PRELID2: variants seen among roughly 807,000 people sequenced by gnomAD.
The protein encoded by PRELID2 is PRELI domain containing 2.
Under a neutral mutation model 28.4 loss-of-function variants are expected in PRELID2, and 25 were observed. The observed-to-expected ratio is 0.88, with a 90% confidence interval of 0.64 to 1.23. PRELID2 has a LOEUF of 1.23. PRELID2 is among the 50% of genes most tolerant of loss of function. PRELID2 has a pLI of 0.00. For synonymous variants in PRELID2, 76 were observed against 71.6 expected (o/e 1.06, Z -0.31); for missense variants, 201 against 214.4 (o/e 0.94, Z 0.39).
chr5:145,413,313 T>C, the PRELID2 span, among the ~76,000 whole-genome samples: 4 of 118,900 alleles, frequency 3.4e-5, no homozygotes, highest in African/African-American at 6.0e-5. Flanking sequence ...AGAATGACCA[T>C]GATTAAAAGA....
intron 1 of PRELID2, among the ~76,000 whole-genome samples, chr5:145,542,336 A>G (rs763707079): frequency 6.6e-6 from 1 of 152,114 alleles, no homozygotes; most frequent in Non-Finnish European, 1.5e-5. Context: ...TTGTATTTCC[A>G]GTTTAAGAGT....
intron 1 of PRELID2, among the ~76,000 whole-genome samples, chr5:145,525,955 A>G (rs373761126): frequency 6.6e-6 from 1 of 152,172 alleles, no homozygotes; most frequent in Admixed American, 6.5e-5. Context: ...TCTTTCATTC[A>G]TGTACTTCTA....
chr5:145,716,834 C>T (rs1755857329), intron 1 of PRELID2, among the ~76,000 whole-genome samples: 1 of 152,132 alleles, frequency 6.6e-6, no homozygotes, highest in Non-Finnish European at 1.5e-5. Flanking sequence ...TTTATCTGCA[C>T]AATAACTTTT....
chr5:145,426,386 T>G, the PRELID2 span, among the ~76,000 whole-genome samples: 1 of 152,186 alleles, frequency 6.6e-6, no homozygotes, highest in Admixed American at 6.5e-5. Flanking sequence ...AAACTGACTT[T>G]CAGCTACATC....
At chr5:145,721,001 TA>T (rs1300377119) in intron 1 of PRELID2, among the ~76,000 whole-genome samples, 1 of 152,130 alleles carries the variant, frequency 6.6e-6, no homozygotes, top group Non-Finnish European at 1.5e-5. Flanking sequence ...GGTTTTAAAA[TA>T]TTTTTTATTT....
chr5:145,499,403 T>C (rs968358774), intron 1 of PRELID2, among the ~76,000 whole-genome samples: 2 of 152,194 alleles, frequency 1.3e-5, no homozygotes, highest in African/African-American at 4.8e-5. Context: ...TTTTCTGAAG[T>C]TCTCAATTTT....
At chr5:145,319,039 T>G in the PRELID2 span, among the ~76,000 whole-genome samples, 5 of 152,258 alleles carry the variant, frequency 3.3e-5, no homozygotes, top group South Asian at 1.0e-3. Context: ...ATTCAGACAT[T>G]CCTTCTCTTC....
chr5:145,681,143 A>G (rs1394057699), intron 1 of PRELID2, among the ~76,000 whole-genome samples: 1 of 152,194 alleles, frequency 6.6e-6, no homozygotes, highest in Non-Finnish European at 1.5e-5. Flanking sequence ...TGATCCTTGA[A>G]AAATGCTATC....
At chr5:145,259,708 C>A in the PRELID2 span, among the ~76,000 whole-genome samples, 1 of 152,126 alleles carries the variant, frequency 6.6e-6, no homozygotes, top group African/African-American at 2.4e-5. Flanking sequence ...GGCTCATAGG[C>A]AGAAGGGACT....
At chr5:145,824,137 C>T (rs2149876103) in intron 1 of PRELID2, among the ~76,000 whole-genome samples, 1 of 152,198 alleles carries the variant, frequency 6.6e-6, no homozygotes, top group South Asian at 2.1e-4. Flanking sequence ...GCAGAAGTGA[C>T]CTCCTAGAAG....
At chr5:145,314,041 T>C in the PRELID2 span, among the ~76,000 whole-genome samples, 1 of 152,196 alleles carries the variant, frequency 6.6e-6, no homozygotes, top group African/African-American at 2.4e-5. Context: ...CTATGAGACA[T>C]CGTACAGTTT....
intron 2 of PRELID2, 53 bp from the exon 3 acceptor site, chr5:145,820,071 C>A: frequency 1.9e-6 from 2 of 1,062,610 alleles, no homozygotes; most frequent in Non-Finnish European, 1.4e-6. Context: ...GTGTTCTTTT[C>A]TTAGTGTCAA....
chr5:145,739,953 T>C (rs889225674), intron 1 of PRELID2, among the ~76,000 whole-genome samples: 7 of 73,202 alleles, frequency 9.6e-5, no homozygotes, highest in African/African-American at 1.7e-4. Context: ...ATAGGACAAA[T>C]AGAAAAATAA....
At chr5:145,484,368 AG>A (rs1250391808) in intron 1 of PRELID2, among the ~76,000 whole-genome samples, 2 of 152,218 alleles carry the variant, frequency 1.3e-5, no homozygotes, top group African/African-American at 2.4e-5. Context: ...CTATTTCATG[AG>A]TCAAAGACTT....
At chr5:145,436,591 GT>G in the PRELID2 span, among the ~76,000 whole-genome samples, 1 of 152,074 alleles carries the variant, frequency 6.6e-6, no homozygotes, top group Middle Eastern at 3.4e-3. Context: ...GCCAGCATTT[GT>G]TTTTTGTTTT....
chr5:145,295,536 T>C, the PRELID2 span, among the ~76,000 whole-genome samples: 1 of 152,116 alleles, frequency 6.6e-6, no homozygotes, highest in Admixed American at 6.6e-5. Flanking sequence ...AGTGTTGATA[T>C]AGTACAGAAC....
chr5:145,797,503 C>A (rs554722897), intron 4 of PRELID2, among the ~76,000 whole-genome samples: 4 of 152,188 alleles, frequency 2.6e-5, no homozygotes, highest in Admixed American at 6.6e-5. Context: ...ACTCAGAGTG[C>A]TAAAGGAAAT....
intron 1 of PRELID2, among the ~76,000 whole-genome samples, chr5:145,479,979 A>G (rs1752141945): frequency 6.6e-6 from 1 of 152,214 alleles, no homozygotes; most frequent in African/African-American, 2.4e-5. Flanking sequence ...AACAACTATC[A>G]CAACATTTAA....
At chr5:145,486,435 C>G (rs1049140466) in intron 1 of PRELID2, among the ~76,000 whole-genome samples, 5 of 152,200 alleles carry the variant, frequency 3.3e-5, no homozygotes, top group African/African-American at 7.2e-5. Flanking sequence ...CTCAGAAACA[C>G]TTTTTCAATG....
Sources: allele counts gnomAD v4.1 joint callset (sites outside exome capture counted in the v4.1 genomes callset), GRCh38; gene constraint gnomAD v4.1.1; transcripts MANE v1.5; gene names NCBI Gene and HGNC (gene_info 2026-07-23, HGNC 2026-07-21).